Variants in RASAL2 observed in about 807,000 individuals in gnomAD.
The protein encoded by RASAL2 is RAS protein activator like 2.
A neutral mutation model predicts 128.9 loss-of-function variants in RASAL2; 58 were observed. The observed-to-expected ratio is 0.45, with a 90% CI of 0.36 to 0.56. The LOEUF (loss-of-function observed/expected upper bound fraction) is 0.56, where lower values mean the gene tolerates loss of function less well. Among genes scored for constraint, RASAL2 ranks in the 20% least tolerant of loss-of-function variants. The pLI is 0.00. For missense variants in RASAL2, 1,360 were observed against 1,601.6 expected (o/e 0.85, Z 2.57); for synonymous variants, 561 against 580.8 (o/e 0.97, Z 0.49).
intron 1 of RASAL2, among the ~76,000 whole-genome samples, chr1:178,117,207 A>C (rs1156748585): frequency 6.6e-6 from 1 of 151,536 alleles, no homozygotes; most frequent in Non-Finnish European, 1.5e-5. Context: ...GAAGCATTTG[A>C]GTAATAAAGT....
At chr1:178,443,273 A>T in intron 8 of RASAL2, 44 bp downstream of exon 8, 1 of 1,481,304 alleles carries the variant, frequency 6.8e-7, no homozygotes, top group Non-Finnish European at 9.2e-7. Context: ...TCTCTTCCCT[A>T]CCTTTCATAA....
chr1:178,275,078 G>A (rs138416758), intron 1 of RASAL2, among the ~76,000 whole-genome samples: 31 of 152,260 alleles, frequency 2.0e-4, no homozygotes, highest in African/African-American at 7.0e-4. Flanking sequence ...GGCTGTGATG[G>A]ACTGCCATTT....
chr1:178,376,613 G>A (rs1053893684), intron 3 of RASAL2, among the ~76,000 whole-genome samples: 5 of 152,198 alleles, frequency 3.3e-5, no homozygotes, highest in Non-Finnish European at 7.4e-5. Flanking sequence ...GGAAGATGGG[G>A]AGATAACAGC....
chr1:178,164,879 C>T (rs1310335029), intron 1 of RASAL2, among the ~76,000 whole-genome samples: 1 of 149,772 alleles, frequency 6.7e-6, no homozygotes, highest in East Asian at 2.0e-4. Flanking sequence ...ACAGTGGGCC[C>T]TCTGTATCTG....
chr1:178,297,328 A>G (rs1384504884), intron 2 of RASAL2, among the ~76,000 whole-genome samples: 1 of 151,906 alleles, frequency 6.6e-6, no homozygotes, highest in African/African-American at 2.4e-5. Context: ...AGCAATCTGT[A>G]GTGTGGCTCA....
rs1309000901 is a variant in RASAL2 at position 178,185,649 on chromosome 1, A to G, written c.202+90955A>G. On this transcript the variant is annotated intron_variant, in intron 1 of 17. Coordinates refer to ENST00000367649, the MANE Select transcript of RASAL2 (RefSeq NM_170692.4). The stretch of plus-strand genomic sequence containing the variant: ...TTTTTGGTCTTCAGTTGATATGATT[A>G]TATGATTTTTCTTCTTTATCCTGTT... Among the ~76,000 whole-genome samples, 3 of 151,956 alleles carry G rather than the reference A, an allele frequency of 2.0e-5. No individual in the cohort carries two copies. The East Asian group carries it at 5.8e-4, about 29-fold the overall frequency.
At chr1:178,466,223 C>A in intron 16 of RASAL2, 101 bp downstream of exon 16, 2 of 1,139,548 alleles carry the variant, frequency 1.8e-6, no homozygotes, top group Non-Finnish European at 2.4e-6. Flanking sequence ...CCATTTTTAT[C>A]CTTGTGGTAC....
chr1:178,102,932 T>C (rs753960535), intron 1 of RASAL2, among the ~76,000 whole-genome samples: 4 of 152,154 alleles, frequency 2.6e-5, no homozygotes, highest in Non-Finnish European at 4.4e-5. Flanking sequence ...AATCCTGCCA[T>C]AAGTGGGATC....
At chr1:178,219,943 C>T (rs112562959) in intron 1 of RASAL2, among the ~76,000 whole-genome samples, 16 of 152,188 alleles carry the variant, frequency 1.1e-4, no homozygotes, top group African/African-American at 3.6e-4. Context: ...GTGGATCCCT[C>T]GTGAATGGCT....
chr1:178,268,968 T>G (rs1317209940), intron 1 of RASAL2, among the ~76,000 whole-genome samples: 1 of 152,216 alleles, frequency 6.6e-6, no homozygotes, highest in Non-Finnish European at 1.5e-5. Context: ...CTTTTTGTTT[T>G]CTTGGTTTAC....
intron 1 of RASAL2, among the ~76,000 whole-genome samples, chr1:178,249,444 C>T (rs191243902): frequency 2.0e-5 from 3 of 152,078 alleles, no homozygotes; most frequent in Admixed American, 2.0e-4. Flanking sequence ...GTTCCTGTAA[C>T]CTTTTGTCAA....
chr1:178,112,398 A>C (rs1344405907), intron 1 of RASAL2, among the ~76,000 whole-genome samples: 1 of 151,902 alleles, frequency 6.6e-6, no homozygotes, highest in Non-Finnish European at 1.5e-5. Context: ...AAAAATACAA[A>C]AGTTAGCTGG....
Position 178,094,384 on chromosome 1 carries a change from C to T in RASAL2, c.-109C>T. On this transcript the variant is annotated 5_prime_UTR_variant, in exon 1 of 18. Coordinates refer to ENST00000367649, the MANE Select transcript of RASAL2 (RefSeq NM_170692.4). ...TCCGCGCCGGCTGCCGCTCGGGTCC[C>T]TGCCCTCGCTGCGCGCTCTCCTCCT... 1 of 1,091,738 alleles carries T rather than the reference C, an allele frequency of 9.2e-7. No homozygotes were observed. The highest frequency in any genetic ancestry group is 1.3e-6 in the Non-Finnish European group (1 of 797,266). The allele number at this position is 1,091,738 out of a possible 1,614,324, so 67.6% of individuals were successfully genotyped here.
chr1:178,151,588 T>C (rs2101879104), intron 1 of RASAL2, among the ~76,000 whole-genome samples: 1 of 152,282 alleles, frequency 6.6e-6, no homozygotes, highest in African/African-American at 2.4e-5. Context: ...TGGTAGAACA[T>C]AACTATTGAT....
intron 3 of RASAL2, among the ~76,000 whole-genome samples, chr1:178,363,071 C>A (rs1239569947): frequency 2.0e-5 from 3 of 152,028 alleles, no homozygotes; most frequent in Non-Finnish European, 4.4e-5. Flanking sequence ...TTTTTAATTC[C>A]TTAAGAAACC....
chr1:178,434,060 A>G (rs541976255), intron 5 of RASAL2, among the ~76,000 whole-genome samples: 1 of 151,804 alleles, frequency 6.6e-6, no homozygotes, highest in Non-Finnish European at 1.5e-5. Flanking sequence ...TAGTCTGTCC[A>G]CTCTTACTGG....
At chr1:178,449,805 C>G (rs1677257154) in intron 9 of RASAL2, among the ~76,000 whole-genome samples, 3 of 152,082 alleles carry the variant, frequency 2.0e-5, no homozygotes, top group African/African-American at 7.2e-5. Flanking sequence ...TAATTTACTT[C>G]TGGGCCCTGG....
At chr1:178,161,936 G>A (rs1278147890) in intron 1 of RASAL2, among the ~76,000 whole-genome samples, 1 of 151,298 alleles carries the variant, frequency 6.6e-6, no homozygotes. Context: ...TTTGTCTTTT[G>A]ATTGTTGATT....
intron 7 of RASAL2, among the ~76,000 whole-genome samples, chr1:178,442,288 G>A (rs1302545017): frequency 6.6e-6 from 1 of 152,132 alleles, no homozygotes; most frequent in Non-Finnish European, 1.5e-5. Context: ...ACTCTGAAAA[G>A]TTAGGTGAAT....
Sources: gnomAD v4.1 joint callset for allele counts (sites outside exome capture counted in the v4.1 genomes callset) on GRCh38, gnomAD v4.1.1 for gene constraint, MANE v1.5 for transcripts, NCBI Gene and HGNC (gene_info 2026-07-23, HGNC 2026-07-21) for gene names.